The following NEDD4 variants were observed in gnomAD, a reference collection of about 807,000 sequenced individuals.
NEDD4 encodes the protein NEDD4 E3 ubiquitin protein ligase, also known as E3 ubiquitin-protein ligase NEDD4.
NEDD4 carries 99 observed loss-of-function variants against 144.9 expected under a neutral mutation model. The observed-to-expected ratio is 0.68, with a 90% CI of 0.58 to 0.81. The LOEUF is 0.81. NEDD4 is among the 30% of genes least tolerant of loss of function. The probability of loss-of-function intolerance (pLI) is 0.00; values close to 1 mark genes in which losing one functional copy is unlikely to be tolerated. For missense variants in NEDD4, 985 were observed against 1,065.9 expected, an observed-to-expected ratio of 0.92 and a Z score of 1.06; for synonymous variants, 318 against 350.6, an observed-to-expected ratio of 0.91 and a Z score of 1.04.
intron 1 of NEDD4, among the ~76,000 whole-genome samples, chr15:55,984,882 CA>C (rs2037864650): frequency 1.3e-5 from 2 of 152,312 alleles, no homozygotes; most frequent in African/African-American, 4.8e-5. Context: ...TTCAGCAATT[CA>C]AATCAGCTAT....
chr15:55,848,310 C>A (rs2033832760), intron 17 of NEDD4, 62 bp downstream of exon 17: 5 of 1,511,782 alleles, frequency 3.3e-6, no homozygotes, highest in Non-Finnish European at 3.7e-6. Flanking sequence ...CCGTGACTAT[C>A]TGCTCTTGAA....
chr15:55,983,189 A>C (rs1463944876), intron 1 of NEDD4, among the ~76,000 whole-genome samples: 1 of 152,190 alleles, frequency 6.6e-6, no homozygotes, highest in African/African-American at 2.4e-5. Flanking sequence ...AAAGGTGAAG[A>C]AGCAAGAAGA....
chr15:55,856,087 G>T, intron 12 of NEDD4, 44 bp downstream of exon 12: 1 of 1,523,664 alleles, frequency 6.6e-7, no homozygotes, highest in Non-Finnish European at 9.1e-7. Context: ...AAGAGATGCT[G>T]AGTTTTATAT....
intron 2 of NEDD4, among the ~76,000 whole-genome samples, chr15:55,962,801 TA>T (rs1296551991): frequency 2.0e-5 from 3 of 152,100 alleles, no homozygotes; most frequent in East Asian, 1.9e-4. Flanking sequence ...TTTTTTATTT[TA>T]TTTTTTTGAT....
At chr15:55,947,647 C>T (rs1483047921) in intron 4 of NEDD4, among the ~76,000 whole-genome samples, 2 of 152,192 alleles carry the variant, frequency 1.3e-5, no homozygotes, top group South Asian at 4.1e-4. Flanking sequence ...GCTGGTTCAA[C>T]ATACGCAATC....
intron 4 of NEDD4, among the ~76,000 whole-genome samples, chr15:55,947,077 C>G: frequency 6.6e-6 from 1 of 152,044 alleles, no homozygotes. Context: ...AATTGACACC[C>G]TAACATCACA....
intron 4 of NEDD4, among the ~76,000 whole-genome samples, chr15:55,950,374 T>G (rs2142298814): frequency 6.6e-6 from 1 of 152,346 alleles, no homozygotes; most frequent in Admixed American, 6.5e-5. Context: ...ATTTCTTCCC[T>G]TCAAATTCAC....
chr15:55,902,105 T>C (rs1162744972), intron 5 of NEDD4, among the ~76,000 whole-genome samples: 1 of 152,138 alleles, frequency 6.6e-6, no homozygotes, highest in Non-Finnish European at 1.5e-5. Flanking sequence ...AAATTCCAAA[T>C]CTGAACTCTA....
At chr15:55,935,823 G>A (rs2036878384) in intron 4 of NEDD4, among the ~76,000 whole-genome samples, 1 of 142,654 alleles carries the variant, frequency 7.0e-6, no homozygotes, top group Non-Finnish European at 1.5e-5. Context: ...CTCCAGCCTG[G>A]CGACAGAGTG....
chr15:55,992,555 C>T (rs1449234112), intron 1 of NEDD4, among the ~76,000 whole-genome samples: 1 of 152,146 alleles, frequency 6.6e-6, no homozygotes, highest in African/African-American at 2.4e-5. Context: ...AGTCAGCCAA[C>T]AAGAAAGCAA....
chr15:55,909,872 TCG>T (rs1302973259), intron 5 of NEDD4, among the ~76,000 whole-genome samples: 5 of 152,188 alleles, frequency 3.3e-5, no homozygotes, highest in Non-Finnish European at 7.3e-5. Flanking sequence ...CTATTTTGTC[TCG>T]TCTTATTTTT....
chr15:55,830,065 G>T, intron 28 of NEDD4, 66 bp from the exon 29 acceptor site: 2 of 1,057,184 alleles, frequency 1.9e-6, no homozygotes, highest in Non-Finnish European at 2.9e-6. Context: ...ACAGCAAACA[G>T]AGCAATGCTG....
chr15:55,861,201 T>C (rs1358027109), intron 9 of NEDD4, among the ~76,000 whole-genome samples: 2 of 152,178 alleles, frequency 1.3e-5, no homozygotes, highest in African/African-American at 2.4e-5. Context: ...TTTTCTAGAA[T>C]TGGTCTTAAG....
chr15:55,879,112 C>T (rs2035094519), intron 5 of NEDD4, among the ~76,000 whole-genome samples: 1 of 152,206 alleles, frequency 6.6e-6, no homozygotes, highest in Non-Finnish European at 1.5e-5. Context: ...GCATGAGCCA[C>T]AGTGCCTGGC....
At chr15:55,830,080 T>C (rs2032874660) in intron 28 of NEDD4, 81 bp from the exon 29 acceptor site, 1 of 953,730 alleles carries the variant, frequency 1.0e-6, no homozygotes, top group African/African-American at 1.6e-5. Context: ...ATGCTGCTAT[T>C]CTTGATGAGA....
At chr15:55,832,439 G>A (rs2032996068) in intron 27 of NEDD4, among the ~76,000 whole-genome samples, 1 of 151,886 alleles carries the variant, frequency 6.6e-6, no homozygotes, top group African/African-American at 2.4e-5. Context: ...TTTTGAGACA[G>A]GGTCTCAGTC....
intron 2 of NEDD4, among the ~76,000 whole-genome samples, chr15:55,960,433 C>T (rs777039303): frequency 6.6e-6 from 1 of 152,174 alleles, no homozygotes; most frequent in Non-Finnish European, 1.5e-5. Context: ...TTCCTGCCCT[C>T]GAACATCAGA....
intron 5 of NEDD4, among the ~76,000 whole-genome samples, chr15:55,898,653 T>C (rs1042991948): frequency 4.0e-5 from 6 of 150,064 alleles, no homozygotes; most frequent in Non-Finnish European, 7.4e-5. Flanking sequence ...TTTTTTTTTT[T>C]TGAGACAAGG....
At chr15:55,931,664 T>C (rs1219192986) in intron 4 of NEDD4, among the ~76,000 whole-genome samples, 1 of 152,238 alleles carries the variant, frequency 6.6e-6, no homozygotes, top group African/African-American at 2.4e-5. Flanking sequence ...TATGATTCTA[T>C]TGTGTTCATA....
Sources: gnomAD v4.1 joint callset for allele counts (sites outside exome capture counted in the v4.1 genomes callset) on GRCh38, gnomAD v4.1.1 for gene constraint, MANE v1.5 for transcripts, NCBI Gene and HGNC (gene_info 2026-07-23, HGNC 2026-07-21) for gene names.